Variants in MYO16 observed in about 807,000 individuals in gnomAD.
MYO16 encodes myosin XVI.
In MYO16, 94 loss-of-function variants were observed where a neutral mutation model predicts 205.3. The observed-to-expected ratio is 0.46, with a 90% confidence interval of 0.39 to 0.54. MYO16 has a LOEUF of 0.54. MYO16 is among the 20% of genes least tolerant of loss of function. The pLI, the probability that MYO16 is intolerant of heterozygous loss-of-function variation, is 0.00. For synonymous variants in MYO16, 988 were observed against 954.0 expected (o/e 1.04, Z -0.66); for missense variants, 2,315 against 2,387.5 (o/e 0.97, Z 0.63).
At chr13:108,749,416 A>G (rs972042400) in intron 4 of MYO16, among the ~76,000 whole-genome samples, 3 of 152,222 alleles carry the variant, frequency 2.0e-5, no homozygotes, top group Non-Finnish European at 2.9e-5. Flanking sequence ...CGTAAACCTC[A>G]ACAATAAGAA....
intron 31 of MYO16, among the ~76,000 whole-genome samples, chr13:109,128,224 T>C (rs1876359147): frequency 6.6e-6 from 1 of 152,240 alleles, no homozygotes; most frequent in African/African-American, 2.4e-5. Flanking sequence ...TCAGGCTCTA[T>C]TCTAGGCATG....
rs145819476 is a variant in MYO16 at position 108,737,305 on chromosome 13, A to G, written c.507+9722A>G. Among the ~76,000 whole-genome samples, 1,318 of 152,314 alleles carry G rather than the reference A, an allele frequency of 8.7e-3. 15 individuals carry two copies. Among genetic ancestry groups the G allele is most frequent in the African/African-American group, 0.03 (1,261 of 41,568 alleles). Reference sequence around the variant, plus strand: ...TAAATAGCTGTTATTATTTTGAGCTACATCCCATCAATACCTAATTTATTG... The same window carrying G: ...TAAATAGCTGTTATTATTTTGAGCTGCATCCCATCAATACCTAATTTATTG... On this transcript the variant is annotated intron_variant, in intron 4 of 34. Transcript: ENST00000457511.
chr13:109,117,221 G>T (rs1875736662), intron 28 of MYO16, among the ~76,000 whole-genome samples: 1 of 151,782 alleles, frequency 6.6e-6, no homozygotes, highest in Admixed American at 6.6e-5. Flanking sequence ...CTGTCTCTGT[G>T]ACTCACTTTA....
chr13:109,130,037 T>C (rs573314329), intron 31 of MYO16, among the ~76,000 whole-genome samples: 31 of 147,274 alleles, frequency 2.1e-4, no homozygotes, highest in East Asian at 9.8e-4. Context: ...GAGATATATA[T>C]ACACACACAC....
chr13:108,962,365 A>G lies in MYO16; in HGVS notation c.2156-59A>G, dbSNP rs1594429174. 14 of 1,362,542 alleles carry G rather than the reference A, an allele frequency of 1.0e-5. No homozygotes were observed. The East Asian group carries it at 2.3e-4, about 23-fold the overall frequency. 84.4% of individuals were successfully genotyped at this position (1,362,542 alleles called of 1,614,324 possible). ...TTATCAATTATGGCCATAAAATTCA[A>G]TGTTCTTGGTATCAAAAAATATACT... On this transcript the variant is annotated intron_variant, in intron 18 of 34. Coordinates refer to ENST00000457511, the MANE Select transcript of MYO16 (RefSeq NM_001198950.3).
chr13:108,914,267 C>G (rs1009654357), intron 16 of MYO16, among the ~76,000 whole-genome samples: 9 of 150,468 alleles, frequency 6.0e-5, no homozygotes, highest in Admixed American at 2.7e-4. Context: ...TGTAGTATAT[C>G]TACTATTATT....
intron 34 of MYO16, among the ~76,000 whole-genome samples, chr13:109,192,187 C>T (rs1033043217): frequency 3.9e-5 from 6 of 152,142 alleles, no homozygotes; most frequent in African/African-American, 1.4e-4. Context: ...GTTTCTAAAA[C>T]AGATGAGCTG....
chr13:108,557,745 T>A, the MYO16 span, among the ~76,000 whole-genome samples: 5 of 152,076 alleles, frequency 3.3e-5, no homozygotes, highest in Admixed American at 3.3e-4. Flanking sequence ...TGAAAAGAGG[T>A]CAATATTTAG....
chr13:108,860,831 C>A (rs749566406), intron 11 of MYO16, among the ~76,000 whole-genome samples: 1 of 152,074 alleles, frequency 6.6e-6, no homozygotes. Context: ...AAACCCAAAA[C>A]TATAAAAACC....
intron 32 of MYO16, among the ~76,000 whole-genome samples, chr13:109,144,819 A>G (rs1456577199): frequency 1.3e-5 from 2 of 152,220 alleles, no homozygotes; most frequent in Non-Finnish European, 2.9e-5. Flanking sequence ...CTGCTCAGTA[A>G]TTCACTGCTT....
intron 12 of MYO16, among the ~76,000 whole-genome samples, chr13:108,869,092 C>A (rs769886169): frequency 6.6e-6 from 1 of 151,762 alleles, no homozygotes; most frequent in Non-Finnish European, 1.5e-5. Flanking sequence ...TTTGCCCTAG[C>A]AATTAATTAC....
rs572753414 is a variant in MYO16, at chr13:109,161,455, A to G, written c.5165-3446A>G. On this transcript the variant is annotated intron_variant, in intron 32 of 34. Coordinates refer to ENST00000457511, the MANE Select transcript of MYO16 (RefSeq NM_001198950.3). The stretch of plus-strand genomic sequence containing the variant: ...ACAGAGATTAACTTCCCCAAGCCTC[A>G]ATGATCTCATCTCGAAAATAGGTGT... Among the ~76,000 whole-genome samples the G allele has an allele frequency of 2.6e-5, 4 of 152,326 alleles. No homozygotes were observed. The East Asian group carries it at 7.7e-4, about 29-fold the overall frequency.
At chr13:109,160,605 A>T (rs1878334348) in intron 32 of MYO16, among the ~76,000 whole-genome samples, 3 of 152,172 alleles carry the variant, frequency 2.0e-5, no homozygotes, top group Admixed American at 1.3e-4. Flanking sequence ...AGAGGCACAA[A>T]AATGTCTCAG....
At chr13:108,833,173 T>C (rs1444280492) in intron 9 of MYO16, among the ~76,000 whole-genome samples, 3 of 151,904 alleles carry the variant, frequency 2.0e-5, no homozygotes, top group Non-Finnish European at 4.4e-5. Context: ...CAATACAAAC[T>C]CCAGTTCAGC....
At chr13:108,834,608 C>T (rs566218171) in intron 9 of MYO16, among the ~76,000 whole-genome samples, 47 of 151,462 alleles carry the variant, frequency 3.1e-4, no homozygotes, top group Non-Finnish European at 6.3e-4. Context: ...TCCTTTTGCC[C>T]TTTATGTTTC....
At chr13:108,562,204 A>G in the MYO16 span, among the ~76,000 whole-genome samples, 1 of 152,086 alleles carries the variant, frequency 6.6e-6, no homozygotes, top group South Asian at 2.1e-4. Flanking sequence ...CACCTCCTCA[A>G]TGTCATCTCA....
chr13:108,838,908 G>A (rs1293570297), intron 9 of MYO16, among the ~76,000 whole-genome samples: 1 of 152,054 alleles, frequency 6.6e-6, no homozygotes, highest in Non-Finnish European at 1.5e-5. Flanking sequence ...TGTCCCAGTG[G>A]TGCTTGTGGA....
At chr13:108,542,734 A>G in the MYO16 span, among the ~76,000 whole-genome samples, 1 of 152,116 alleles carries the variant, frequency 6.6e-6, no homozygotes. Flanking sequence ...GATTTTCCCT[A>G]TAGTTTTGAA....
chr13:109,055,432 C>T lies in MYO16; in HGVS notation c.3172C>T (p.Pro1058Ser), dbSNP rs140400431. Residue 1058 changes from proline (P) to serine (S), a missense_variant, in exon 27 of 35, where the codon CCA (proline) becomes TCA (serine). Pro to Ser is a moderately conservative substitution (Grantham distance 74). Coordinates refer to ENST00000457511, the MANE Select transcript of MYO16 (RefSeq NM_001198950.3). The surrounding 1 kb of genome is among the most constrained non-coding windows in gnomAD (Gnocchi z 5.0). ...TATTGGAAAACTTCAGAAGTGCACT[C>T]CACACTTCATTCATTGCATCAGGCC... is the stretch of plus-strand genomic sequence containing the variant. ...DIIGKLQKCTPHFIHCIRPNN... is the reference protein window; with the variant it reads ...DIIGKLQKCTSHFIHCIRPNN... 2 of 1,613,010 alleles carry T rather than the reference C, an allele frequency of 1.2e-6. No individual in the cohort carries two copies. The highest frequency in any genetic ancestry group is 1.7e-6 in the Non-Finnish European group (2 of 1,179,404).
Sources: gnomAD v4.1 joint callset for allele counts (sites outside exome capture counted in the v4.1 genomes callset) on GRCh38, gnomAD v4.1.1 for gene constraint, Gnocchi (gnomAD v3.1) non-coding constraint, MANE v1.5 for transcripts, NCBI Gene and HGNC (gene_info 2026-07-23, HGNC 2026-07-21) for gene names.